Variants in CEP63 observed in about 807,000 individuals in gnomAD.
CEP63 encodes centrosomal protein of 63 kDa.
CEP63 carries 84 observed loss-of-function variants against 89.1 expected under a neutral mutation model. The observed-to-expected ratio is 0.94, with a 90% CI of 0.79 to 1.13. CEP63 has a LOEUF of 1.13. CEP63 is among the 50% of genes most tolerant of loss of function. The pLI, the probability that CEP63 is intolerant of heterozygous loss-of-function variation, is 0.00. For missense variants in CEP63, 838 were observed against 813.3 expected (o/e 1.03, Z -0.37); for synonymous variants, 267 against 272.5 (o/e 0.98, Z 0.20).
intron 2 of CEP63, among the ~76,000 whole-genome samples, chr3:134,506,558 A>G (rs977329110): frequency 2.6e-5 from 4 of 152,202 alleles, no homozygotes; most frequent in Admixed American, 1.3e-4. Flanking sequence ...CTTGGGCTTT[A>G]GGTTGGCTAT....
At position 134,505,360 on chromosome 3, in the gene CEP63, G is replaced by T. The variant is rs537886116; in HGVS notation, c.45-1749G>T. 6.6e-5 allele frequency among the ~76,000 whole-genome samples: 10 copies of T among 152,138 alleles called. No homozygotes were observed. In the South Asian group the frequency reaches 2.1e-3, roughly 32 times the overall value. ...GTGGGTGCAAGAGTGTAGTTTCTATGATTTTTCCAGCCATAATCAGTATCA... is the reference window on the plus strand; with the variant it reads ...GTGGGTGCAAGAGTGTAGTTTCTATTATTTTTCCAGCCATAATCAGTATCA... On this transcript the variant is annotated intron_variant, in intron 2 of 14. Transcript: ENST00000675561.
downstream of CEP63, among the ~76,000 whole-genome samples, chr3:134,565,861 T>C (rs1006761524): frequency 6.6e-6 from 1 of 152,060 alleles, no homozygotes; most frequent in African/African-American, 2.4e-5. Context: ...TATGTGAGTA[T>C]CCAGAAGAGA....
intron 1 of CEP63, among the ~76,000 whole-genome samples, chr3:134,489,263 T>C (rs2107831111): frequency 6.6e-6 from 1 of 152,230 alleles, no homozygotes; most frequent in Middle Eastern, 3.4e-3. Flanking sequence ...AACAGTGCAG[T>C]TATAAAATAT....
the CEP63 span, among the ~76,000 whole-genome samples, chr3:134,749,703 T>G: frequency 2.4e-4 from 1 of 4,148 alleles, no homozygotes; most frequent in Admixed American, 4.3e-3. Flanking sequence ...ACAGGGGTTG[T>G]TCAAAAAAAA....
intron 1 of CEP63, among the ~76,000 whole-genome samples, chr3:134,493,519 G>A (rs747602021): frequency 2.0e-5 from 3 of 152,050 alleles, no homozygotes; most frequent in Non-Finnish European, 2.9e-5. Flanking sequence ...GGTGTAATAT[G>A]TAGGATAAAC....
intron 6 of CEP63, among the ~76,000 whole-genome samples, chr3:134,543,468 A>G (rs1952491483): frequency 6.6e-6 from 1 of 152,232 alleles, no homozygotes; most frequent in South Asian, 2.1e-4. Flanking sequence ...CAGTGAAAGA[A>G]GGTTATGTTC....
chr3:134,504,936 A>G, intron 2 of CEP63, among the ~76,000 whole-genome samples: 1 of 152,072 alleles, frequency 6.6e-6, no homozygotes, highest in East Asian at 1.9e-4. Flanking sequence ...CATTTATTGA[A>G]TTCTTCAGTT....
the CEP63 span, among the ~76,000 whole-genome samples, chr3:134,622,207 C>T: frequency 6.6e-6 from 1 of 152,166 alleles, no homozygotes; most frequent in Non-Finnish European, 1.5e-5. Context: ...AATTTCAGTC[C>T]AAGGTACGCA....
chr3:134,651,931 G>T, the CEP63 span, among the ~76,000 whole-genome samples: 1 of 152,188 alleles, frequency 6.6e-6, no homozygotes, highest in Non-Finnish European at 1.5e-5. Context: ...CCTGCTGGGG[G>T]CGTTCCCCTA....
At chr3:134,725,868 G>T in the CEP63 span, among the ~76,000 whole-genome samples, 1 of 152,182 alleles carries the variant, frequency 6.6e-6, no homozygotes, top group Non-Finnish European at 1.5e-5. Context: ...GCCCTGGCAG[G>T]TCAGGGGGCT....
intron 1 of CEP63, among the ~76,000 whole-genome samples, chr3:134,494,281 A>ATT (rs577635507): frequency 7.1e-6 from 1 of 141,128 alleles, no homozygotes. Flanking sequence ...TGCCCAGCTA[A>ATT]TTTTTTTTTT....
the CEP63 span, among the ~76,000 whole-genome samples, chr3:134,714,242 C>T: frequency 1.7e-4 from 26 of 152,196 alleles, no homozygotes; most frequent in South Asian, 6.2e-4. Context: ...CTTTGTTAGA[C>T]GAGGTCAAAG....
At chr3:134,508,852 G>A (rs1386301465) in intron 3 of CEP63, among the ~76,000 whole-genome samples, 1 of 152,088 alleles carries the variant, frequency 6.6e-6, no homozygotes, top group Non-Finnish European at 1.5e-5. Flanking sequence ...TTCATTGATT[G>A]GGCTGCTGAA....
Position 134,546,237 on chromosome 3 carries a change from T to TA in CEP63, c.879dup (p.Gln294ThrfsTer8), listed in dbSNP as rs1427778257. The stretch of plus-strand genomic sequence containing the variant: ...GAGGCCAGAATACAAAAGGAGAAGT[T>TA]ACAAGAAAAAGTAAAGGCAACTAAC... On this transcript the variant is annotated frameshift_variant, in exon 8 of 15. Transcript: ENST00000675561. LOFTEE classifies it high-confidence loss of function. 1 of 1,613,834 alleles carries TA rather than the reference T, an allele frequency of 6.2e-7. No individual in the cohort carries two copies. The highest frequency in any genetic ancestry group is 1.1e-5 in the South Asian group (1 of 91,066).
At chr3:134,507,321 TTTATC>T (rs1352776304) in intron 3 of CEP63, 35 bp downstream of exon 3, 1 of 1,472,552 alleles carries the variant, frequency 6.8e-7, no homozygotes, top group Non-Finnish European at 9.5e-7. Context: ...TTTTGACATT[TTTATC>T]TTGTCTTTTA....
chr3:134,547,604 G>GGTCTTTTTTTTTT, intron 9 of CEP63, 132 bp downstream of exon 9: 1 of 179,008 alleles, frequency 5.6e-6, no homozygotes, highest in Non-Finnish European at 9.2e-6. Flanking sequence ...AATGGCCTAA[G>GGTCTTTTTTTTTT]TTCTTATTTC....
At chr3:134,732,544 A>G in the CEP63 span, among the ~76,000 whole-genome samples, 2 of 152,176 alleles carry the variant, frequency 1.3e-5, no homozygotes, top group Admixed American at 1.3e-4. Context: ...AAGAAGAAAT[A>G]CATTTGAATG....
At chr3:134,633,713 C>G in the CEP63 span, among the ~76,000 whole-genome samples, 2 of 152,094 alleles carry the variant, frequency 1.3e-5, no homozygotes, top group African/African-American at 4.8e-5. Flanking sequence ...GATATCCACT[C>G]TCACTGATCC....
At chr3:134,635,153 C>T in the CEP63 span, among the ~76,000 whole-genome samples, 14 of 152,182 alleles carry the variant, frequency 9.2e-5, no homozygotes, top group African/African-American at 2.2e-4. Flanking sequence ...ACAACTTAAA[C>T]GTCCTTCAAT....
Sources: allele counts gnomAD v4.1 joint callset (sites outside exome capture counted in the v4.1 genomes callset), GRCh38; gene constraint gnomAD v4.1.1; transcripts MANE v1.5; gene names NCBI Gene and HGNC (gene_info 2026-07-23, HGNC 2026-07-21).